The following FOXN3 variants were observed in gnomAD, a reference collection of about 807,000 sequenced individuals.
The protein encoded by FOXN3 is forkhead box protein N3.
Under a neutral mutation model 38.4 loss-of-function variants are expected in FOXN3, and 7 were observed. That is an observed-to-expected ratio of 0.18 (90% CI 0.10 to 0.34). The LOEUF is 0.34. Ranked by LOEUF, FOXN3 falls within the 10% of genes least tolerant of loss-of-function variation. FOXN3 has a pLI of 1.00. For synonymous variants in FOXN3, 230 were observed against 242.2 expected (o/e 0.95, Z 0.47); for missense variants, 456 against 613.4 (o/e 0.74, Z 2.71).
At chr14:89,430,670 T>G (rs1197291976) in intron 1 of FOXN3, among the ~76,000 whole-genome samples, 1 of 151,954 alleles carries the variant, frequency 6.6e-6, no homozygotes, top group Non-Finnish European at 1.5e-5. Context: ...TCTGTTTAAT[T>G]GATTTTTTTA....
intron 1 of FOXN3, among the ~76,000 whole-genome samples, chr14:89,443,385 C>T (rs1892427330): frequency 6.6e-6 from 1 of 152,086 alleles, no homozygotes; most frequent in South Asian, 2.1e-4. Context: ...AGGCAGGGCA[C>T]TGAGCTGGTT....
chr14:89,386,972 G>T (rs1890806240), intron 2 of FOXN3, among the ~76,000 whole-genome samples: 1 of 151,850 alleles, frequency 6.6e-6, no homozygotes, highest in Non-Finnish European at 1.5e-5. Context: ...ATAAATTGGG[G>T]GGTGCCAGGC....
intron 1 of FOXN3, among the ~76,000 whole-genome samples, chr14:89,506,319 G>GT (rs1331527251): frequency 8.2e-5 from 8 of 97,340 alleles, no homozygotes; most frequent in Non-Finnish European, 1.8e-4. Flanking sequence ...CGTCCGGGAG[G>GT]GAGGTGGGGG....
chr14:89,272,439 A>T (rs996201552), intron 4 of FOXN3, among the ~76,000 whole-genome samples: 1 of 152,224 alleles, frequency 6.6e-6, no homozygotes, highest in Non-Finnish European at 1.5e-5. Context: ...TTACATGTGG[A>T]TGGTAAAATT....
At chr14:89,502,940 C>A (rs1555357527) in intron 1 of FOXN3, among the ~76,000 whole-genome samples, 1 of 152,128 alleles carries the variant, frequency 6.6e-6, no homozygotes, top group Non-Finnish European at 1.5e-5. Context: ...CTGAGGAAAA[C>A]CAAGCAGATA....
chr14:89,281,124 C>A, intron 3 of FOXN3, 110 bp from the exon 4 acceptor site: 1 of 955,402 alleles, frequency 1.0e-6, no homozygotes, highest in Non-Finnish European at 1.6e-6. Flanking sequence ...ATTACTGACA[C>A]CCTTTGAAAA....
chr14:89,389,893 A>G (rs1046782053), intron 2 of FOXN3, among the ~76,000 whole-genome samples: 3 of 152,064 alleles, frequency 2.0e-5, no homozygotes, highest in African/African-American at 4.8e-5. Flanking sequence ...AATGTCATAA[A>G]ATAAATCCTT....
chr14:89,441,944 T>TTTTTTTA (rs1892394354), intron 1 of FOXN3, among the ~76,000 whole-genome samples: 1 of 99,650 alleles, frequency 1.0e-5, no homozygotes, highest in African/African-American at 3.5e-5. Flanking sequence ...TTTTTTTTTT[T>TTTTTTTA]GAGATGGAGT....
chr14:89,337,248 TC>T (rs1328340642), intron 3 of FOXN3, among the ~76,000 whole-genome samples: 4 of 152,160 alleles, frequency 2.6e-5, no homozygotes, highest in Non-Finnish European at 1.5e-5. Context: ...GTGACTTTCT[TC>T]CTATGGGATC....
intron 2 of FOXN3, among the ~76,000 whole-genome samples, chr14:89,394,209 G>A (rs546642806): frequency 2.3e-5 from 3 of 132,862 alleles, no homozygotes; most frequent in East Asian, 2.4e-4. Flanking sequence ...GGGGATCGAC[G>A]TTCTTTTTTT....
At chr14:89,374,378 A>G (rs1476152797) in intron 2 of FOXN3, among the ~76,000 whole-genome samples, 1 of 152,064 alleles carries the variant, frequency 6.6e-6, no homozygotes, top group Non-Finnish European at 1.5e-5. Flanking sequence ...AATTTCTTAT[A>G]AAGTTATACA....
At chr14:89,464,664 G>A (rs1044097033) in intron 1 of FOXN3, among the ~76,000 whole-genome samples, 7 of 151,952 alleles carry the variant, frequency 4.6e-5, no homozygotes, top group Non-Finnish European at 7.4e-5. Context: ...GAATCATGGG[G>A]GCAGTTACCC....
intron 3 of FOXN3, among the ~76,000 whole-genome samples, chr14:89,319,489 G>T (rs1012873602): frequency 1.3e-5 from 2 of 152,044 alleles, no homozygotes; most frequent in African/African-American, 4.8e-5. Context: ...TTTTACTGGG[G>T]ACTCTTCAGG....
chr14:89,410,680 C>T (rs1891519009), intron 2 of FOXN3, among the ~76,000 whole-genome samples: 1 of 152,080 alleles, frequency 6.6e-6, no homozygotes, highest in South Asian at 2.1e-4. Flanking sequence ...TGAGACCAGC[C>T]TGGGCAGCAT....
chr14:89,472,891 G>C (rs1173061082), intron 1 of FOXN3, among the ~76,000 whole-genome samples: 1 of 152,136 alleles, frequency 6.6e-6, no homozygotes, highest in Non-Finnish European at 1.5e-5. Flanking sequence ...TAACCCTTCT[G>C]TGAGGTTAAT....
intron 1 of FOXN3, among the ~76,000 whole-genome samples, chr14:89,428,448 G>A (rs911516702): frequency 6.6e-6 from 1 of 152,156 alleles, no homozygotes; most frequent in African/African-American, 2.4e-5. Flanking sequence ...AAAGGGTCGG[G>A]GCTGGAAAGG....
intron 2 of FOXN3, among the ~76,000 whole-genome samples, chr14:89,397,678 T>G (rs1316346219): frequency 1.3e-5 from 2 of 152,126 alleles, no homozygotes; most frequent in Non-Finnish European, 2.9e-5. Flanking sequence ...CTGTGACCCT[T>G]TGTTTTAGCC....
At chr14:89,178,702 C>G (rs1887589117) in intron 5 of FOXN3, among the ~76,000 whole-genome samples, 1 of 152,162 alleles carries the variant, frequency 6.6e-6, no homozygotes, top group African/African-American at 2.4e-5. Flanking sequence ...CAAGAGGGAA[C>G]TAATCAGTAA....
chr14:89,331,870 G>A (rs970316275), intron 3 of FOXN3, among the ~76,000 whole-genome samples: 21 of 151,282 alleles, frequency 1.4e-4, no homozygotes, highest in South Asian at 1.3e-3. Context: ...AACCCATTAC[G>A]GAGTGGTAAT....
Sources: gnomAD v4.1 joint callset for allele counts (sites outside exome capture counted in the v4.1 genomes callset) on GRCh38, gnomAD v4.1.1 for gene constraint, MANE v1.5 for transcripts, NCBI Gene and HGNC (gene_info 2026-07-23, HGNC 2026-07-21) for gene names.